The following ADGRB1 variants were observed in gnomAD, a reference collection of about 807,000 sequenced individuals.
The protein encoded by ADGRB1 is brain-specific angiogenesis inhibitor 1.
ADGRB1 carries 36 observed loss-of-function variants against 175.7 expected under a neutral mutation model. The observed-to-expected ratio is 0.20, with a 90% CI of 0.16 to 0.27. The LOEUF (loss-of-function observed/expected upper bound fraction) is 0.27, where lower values mean the gene tolerates loss of function less well. Among genes scored for constraint, ADGRB1 ranks in the 10% least tolerant of loss-of-function variants. The probability of loss-of-function intolerance (pLI) is 1.00; values close to 1 mark genes in which losing one functional copy is unlikely to be tolerated. For missense variants in ADGRB1, 1,731 were observed against 2,255.3 expected (o/e 0.77, Z 4.71); for synonymous variants, 1,054 against 979.4 (o/e 1.08, Z -1.42).
intron 18 of ADGRB1, among the ~76,000 whole-genome samples, chr8:142,513,157 C>T (rs188669008): frequency 6.6e-6 from 1 of 152,306 alleles, no homozygotes; most frequent in African/African-American, 2.4e-5. Flanking sequence ...GAGGCCGGGG[C>T]ACAGGGGCTG....
intron 16 of ADGRB1, 146 bp from the exon 17 acceptor site, chr8:142,490,626 T>C: frequency 1.1e-6 from 1 of 927,242 alleles, no homozygotes; most frequent in Admixed American, 2.4e-5. Context: ...CTGGACTCAG[T>C]TTCCTCCTCG....
rs1840980557 is a variant in ADGRB1 at position 142,476,472 on chromosome 8, C to A, written c.947-113C>A. On this transcript the variant is annotated intron_variant, in intron 3 of 30. Coordinates refer to ENST00000517894, the MANE Select transcript of ADGRB1 (RefSeq NM_001702.3). ...GGGCACTCTGGTCCCTGGCTCCCAGCTGCCCAGTGGAGCCAGGTGGCCCAG... is the reference window on the plus strand; with the variant it reads ...GGGCACTCTGGTCCCTGGCTCCCAGATGCCCAGTGGAGCCAGGTGGCCCAG... 4.4e-6 allele frequency: 4 copies of A among 918,206 alleles called. No homozygotes were observed. In the Admixed American group the frequency reaches 6.2e-5, roughly 14 times the overall value. 56.9% of individuals were successfully genotyped at this position (918,206 alleles called of 1,614,324 possible).
chr8:142,522,214 C>A lies in ADGRB1; in HGVS notation c.3175+99C>A. The A allele has an allele frequency of 1.3e-6, 2 of 1,484,350 alleles. 1 individual carries two copies. Among genetic ancestry groups the A allele is most frequent in the South Asian group, 2.7e-5 (2 of 74,512 alleles). 91.9% of individuals were successfully genotyped at this position (1,484,350 alleles called of 1,614,324 possible). The stretch of plus-strand genomic sequence containing the variant: ...CCTCCTCTCCCCATCCCCTGTGGAC[C>A]CCTGGGGCCTCAGTTGCTGCTTGGG... On this transcript the variant is annotated intron_variant, in intron 21 of 30. Coordinates refer to ENST00000517894, the MANE Select transcript of ADGRB1 (RefSeq NM_001702.3).
intron 17 of ADGRB1, among the ~76,000 whole-genome samples, chr8:142,508,461 G>A (rs561165638): frequency 1.3e-5 from 2 of 152,286 alleles, no homozygotes; most frequent in South Asian, 2.1e-4. Flanking sequence ...GGGACCCCAC[G>A]CTCCCTTTCC....
At chr8:142,533,967 C>T (rs541668335) in intron 25 of ADGRB1, among the ~76,000 whole-genome samples, 1 of 152,318 alleles carries the variant, frequency 6.6e-6, no homozygotes, top group East Asian at 1.9e-4. Context: ...ACCTGGGTGG[C>T]GTAGGACACC....
intron 19 of ADGRB1, among the ~76,000 whole-genome samples, chr8:142,520,402 TTG>T (rs1587401480): frequency 7.5e-3 from 30 of 3,978 alleles, no homozygotes; most frequent in Admixed American, 0.05. Context: ...GATTGTGATG[TTG>T]GTAATGGTGA....
chr8:142,488,605 G>C (rs1841816606), intron 14 of ADGRB1, 98 bp downstream of exon 14: 1 of 1,490,362 alleles, frequency 6.7e-7, no homozygotes, highest in Admixed American at 2.0e-5. Flanking sequence ...CTGCCTCAGA[G>C]TTGGGCGGTT....
At chr8:142,478,412 C>G (rs1262094312) in intron 7 of ADGRB1, 52 bp downstream of exon 7, 1 of 1,520,450 alleles carries the variant, frequency 6.6e-7, no homozygotes, top group Non-Finnish European at 8.8e-7. Flanking sequence ...GCAGGAGCCT[C>G]TAGGAAGGGG....
rs1844015893 is a variant in ADGRB1 at position 142,523,840 on chromosome 8, GCCTGAGCC to G, written c.3246-395_3246-388del. Among the ~76,000 whole-genome samples, 22 of 152,180 alleles carry G rather than the reference GCCTGAGCC, an allele frequency of 1.4e-4. No homozygotes were observed. The South Asian group carries it at 4.6e-3, about 32-fold the overall frequency. On this transcript the variant is annotated intron_variant, in intron 22 of 30. Transcript: ENST00000517894. ...TAGGACCAGGTGCTGAGGCCACGGGGCCTGAGCCCCAGCATTCAAGCATCGCGTCAGGA... is the reference window on the plus strand; with the variant it reads ...TAGGACCAGGTGCTGAGGCCACGGGGCCAGCATTCAAGCATCGCGTCAGGA...
chr8:142,513,586 G>A lies in ADGRB1; in HGVS notation c.2817+2513G>A, dbSNP rs138566981. 3.1e-3 allele frequency among the ~76,000 whole-genome samples: 475 copies of A among 152,274 alleles called. 4 individuals are homozygous for A. Among genetic ancestry groups the A allele is most frequent in the African/African-American group, 0.011 (454 of 41,550 alleles). On this transcript the variant is annotated intron_variant, in intron 18 of 30. Coordinates refer to ENST00000517894, the MANE Select transcript of ADGRB1 (RefSeq NM_001702.3). The stretch of plus-strand genomic sequence containing the variant: ...TGGGCTGGGGTGCCAGGGCTGATGC[G>A]GGAGGCAGATGTGTGCACACAGAGG...
intron 17 of ADGRB1, among the ~76,000 whole-genome samples, chr8:142,494,080 AGTGGTTT>A (rs1276074803): frequency 6.6e-6 from 1 of 152,154 alleles, no homozygotes; most frequent in Non-Finnish European, 1.5e-5. Flanking sequence ...TGAGGAGCAC[AGTGGTTT>A]GTGGCGGGAG....
At chr8:142,538,887 G>A (rs542156999) in intron 26 of ADGRB1, among the ~76,000 whole-genome samples, 2 of 152,296 alleles carry the variant, frequency 1.3e-5, no homozygotes, top group South Asian at 2.1e-4. Flanking sequence ...AGCCATTCCT[G>A]AGGCCTGGGG....
intron 26 of ADGRB1, among the ~76,000 whole-genome samples, chr8:142,538,375 G>A (rs543977245): frequency 2.4e-4 from 36 of 152,316 alleles, no homozygotes; most frequent in African/African-American, 8.2e-4. Context: ...CGGCTCTTGG[G>A]TGACGTCCAG....
Position 142,468,972 on chromosome 8 carries a change from CTCAG to C in ADGRB1, c.784+3997_784+4000del, listed in dbSNP as rs562462310. 2.6e-4 allele frequency among the ~76,000 whole-genome samples: 40 copies of C among 152,374 alleles called. No individual in the cohort carries two copies. In the East Asian group the frequency reaches 6.0e-3, roughly 23 times the overall value. ...GAACAGTACCTGGGAGCAGCAGGCA[CTCAG>C]TCAGTCCAAGTTGGAGAAAACCAGG... On this transcript the variant is annotated intron_variant, in intron 2 of 30. Transcript: ENST00000517894.
Position 142,464,919 on chromosome 8 carries a change from G to T in ADGRB1, c.721G>T (p.Ala241Ser). The T allele has an allele frequency of 6.5e-7, 1 of 1,529,758 alleles. No homozygotes were observed. The highest frequency in any genetic ancestry group is 1.4e-5 in the African/African-American group (1 of 72,168). The allele number at this position is 1,529,758 out of a possible 1,614,324, so 94.8% of individuals were successfully genotyped here. ...GGATGTCTGCTTGAGAGATGCGGTG[G>T]CTGGTGGCCCTGAAAACTGCCTCAC... is the stretch of plus-strand genomic sequence containing the variant. The part of the protein sequence containing the change: ...RGDVCLRDAV[A>S]GGPENCLTSL... The change falls in exon 2 of 31, where the codon GCT becomes TCT. Residue 241 changes from alanine to serine, a missense_variant. Physicochemically the swap from Ala to Ser is moderately conservative, Grantham distance 99. Around this residue, in one of 8 missense-constraint regions of ADGRB1, gnomAD observed 383 missense variants for 383.1 expected, o/e 1.00. Coordinates refer to ENST00000517894, the MANE Select transcript of ADGRB1 (RefSeq NM_001702.3).
intron 17 of ADGRB1, among the ~76,000 whole-genome samples, chr8:142,502,140 T>G: frequency 1.4e-5 from 2 of 146,576 alleles, no homozygotes; most frequent in Admixed American, 6.8e-5. Flanking sequence ...GATTATGGAG[T>G]GGTGGTGGTG....
chr8:142,477,325 G>C (rs761616492), intron 5 of ADGRB1, 47 bp downstream of exon 5: 189 of 1,406,354 alleles, frequency 1.3e-4, no homozygotes, highest in Middle Eastern at 1.9e-4. Context: ...GGGCAGCGGG[G>C]GGCCAGGGCA....
At chr8:142,469,182 AAT>A (rs1563684212) in intron 2 of ADGRB1, among the ~76,000 whole-genome samples, 2 of 140,880 alleles carry the variant, frequency 1.4e-5, no homozygotes, top group East Asian at 4.4e-4. Context: ...CATGTGTGTG[AAT>A]GTGTGCACAT....
At position 142,466,624 on chromosome 8, in the gene ADGRB1, C is replaced by T. The variant is rs552772976; in HGVS notation, c.784+1642C>T. Among the ~76,000 whole-genome samples the T allele has an allele frequency of 3.3e-5, 5 of 152,318 alleles. No homozygotes were observed. In the East Asian group the frequency reaches 9.6e-4, roughly 29 times the overall value. On this transcript the variant is annotated intron_variant, in intron 2 of 30. Transcript: ENST00000517894. ...TGGGTGGGAGGGGCTGAGGACCAAG[C>T]CCCCACCAGGCAGAGTGGAGGTCAC... is the stretch of plus-strand genomic sequence containing the variant.
Sources: allele counts gnomAD v4.1 joint callset (sites outside exome capture counted in the v4.1 genomes callset), GRCh38; gene constraint gnomAD v4.1.1; regional missense constraint gnomAD v4.1.1; transcripts MANE v1.5; gene names NCBI Gene and HGNC (gene_info 2026-07-23, HGNC 2026-07-21).